STXBP5L: variants seen among roughly 807,000 people sequenced by gnomAD.
The protein encoded by STXBP5L is syntaxin-binding protein 5-like.
A neutral mutation model predicts 144.5 loss-of-function variants in STXBP5L; 65 were observed. That is an observed-to-expected ratio of 0.45 (90% CI 0.37 to 0.55). The LOEUF (loss-of-function observed/expected upper bound fraction) is 0.55. STXBP5L is among the 20% of genes least tolerant of loss of function. The pLI is 0.00. For missense variants in STXBP5L, 1,298 were observed against 1,405.5 expected (o/e 0.92, Z 1.22); for synonymous variants, 505 against 469.6 (o/e 1.08, Z -0.97).
intron 19 of STXBP5L, among the ~76,000 whole-genome samples, chr3:121,284,236 A>G (rs1485707510): frequency 6.6e-6 from 1 of 151,828 alleles, no homozygotes; most frequent in Admixed American, 6.6e-5. Context: ...TCTATCAACA[A>G]CCTCAAATGG....
chr3:120,928,196 T>C (rs1399641241), intron 2 of STXBP5L, among the ~76,000 whole-genome samples: 1 of 152,144 alleles, frequency 6.6e-6, no homozygotes, highest in Non-Finnish European at 1.5e-5. Flanking sequence ...TTTCTAAAAA[T>C]TTCTTCCTGA....
At chr3:121,214,965 C>T (rs549252775) in intron 10 of STXBP5L, among the ~76,000 whole-genome samples, 84 of 152,054 alleles carry the variant, frequency 5.5e-4, no homozygotes, top group Middle Eastern at 3.4e-3. Flanking sequence ...ATGTAATGCC[C>T]TTGTTTGTCT....
intron 3 of STXBP5L, among the ~76,000 whole-genome samples, chr3:120,989,165 C>T (rs9839272): frequency 0.099 from 15,079 of 152,062 alleles, 1,174 homozygotes; most frequent in Admixed American, 0.2. Context: ...GATTTCTCTT[C>T]CTTTCGGTAG....
chr3:121,341,005 A>C (rs1388668227), intron 20 of STXBP5L, among the ~76,000 whole-genome samples: 5 of 152,110 alleles, frequency 3.3e-5, no homozygotes, highest in Non-Finnish European at 1.5e-5. Context: ...AATAGAAAAA[A>C]AATGGGATTA....
intron 2 of STXBP5L, among the ~76,000 whole-genome samples, chr3:120,954,154 C>A (rs1453927406): frequency 6.6e-6 from 1 of 152,016 alleles, no homozygotes; most frequent in Non-Finnish European, 1.5e-5. Context: ...GTATACTTTA[C>A]CCTTTAACAC....
intron 2 of STXBP5L, among the ~76,000 whole-genome samples, chr3:120,943,269 A>G (rs540268879): frequency 8.3e-4 from 126 of 151,910 alleles, no homozygotes; most frequent in Middle Eastern, 3.4e-3. Flanking sequence ...AGGTAGCAGC[A>G]ATCTGTAAAG....
intron 5 of STXBP5L, among the ~76,000 whole-genome samples, chr3:121,090,830 A>T (rs2042746432): frequency 6.6e-6 from 1 of 152,034 alleles, no homozygotes; most frequent in Admixed American, 6.6e-5. Flanking sequence ...CACAACGTGC[A>T]GGTTAGTTAC....
chr3:121,116,506 G>A (rs1261853794), intron 6 of STXBP5L, among the ~76,000 whole-genome samples: 1 of 151,904 alleles, frequency 6.6e-6, no homozygotes, highest in African/African-American at 2.4e-5. Context: ...TTCTTTTCTT[G>A]TTCTTCATAC....
intron 3 of STXBP5L, among the ~76,000 whole-genome samples, chr3:120,965,741 A>G (rs1939488578): frequency 6.6e-6 from 1 of 151,914 alleles, no homozygotes; most frequent in Non-Finnish European, 1.5e-5. Context: ...GTTGAATCTG[A>G]CAGTTATGTG....
rs767079159 is a variant in STXBP5L at position 121,045,481 on chromosome 3, A to T, written c.416A>T (p.Asn139Ile). Residue 139 changes from asparagine (N) to isoleucine (I), a missense_variant, in exon 5 of 27, where the codon AAC becomes ATC. Physicochemically the swap from Asn to Ile is moderately radical, Grantham distance 149. Coordinates refer to ENST00000471454, the MANE Select transcript of STXBP5L (RefSeq NM_001308330.2). ...TCAGATGATACACTTCATTTGTGGA[A>T]CCTTAGACAAAAAAGGCCAGCCATA... ...ASSDDTLHLW[N>I]LRQKRPAILH... 6.2e-7 allele frequency: 1 copy of T among 1,613,294 alleles called. No homozygotes were observed. Among genetic ancestry groups the T allele is most frequent in the East Asian group, 2.2e-5 (1 of 44,820 alleles).
intron 5 of STXBP5L, among the ~76,000 whole-genome samples, chr3:121,096,534 G>T (rs1009245410): frequency 6.6e-6 from 1 of 152,050 alleles, no homozygotes; most frequent in Non-Finnish European, 1.5e-5. Context: ...CTTCTGATGG[G>T]GTCTTTGAGT....
At chr3:121,330,354 G>A (rs2044284519) in intron 20 of STXBP5L, among the ~76,000 whole-genome samples, 1 of 152,112 alleles carries the variant, frequency 6.6e-6, no homozygotes, top group Non-Finnish European at 1.5e-5. Context: ...CTTCTCCTTG[G>A]AACATTACCC....
chr3:121,143,755 T>C (rs750174611), intron 7 of STXBP5L, among the ~76,000 whole-genome samples: 1 of 151,828 alleles, frequency 6.6e-6, no homozygotes, highest in African/African-American at 2.4e-5. Flanking sequence ...TATCCACATG[T>C]ATAAGAATGT....
chr3:121,154,315 T>G (rs2046042163), intron 8 of STXBP5L, among the ~76,000 whole-genome samples: 2 of 151,760 alleles, frequency 1.3e-5, no homozygotes, highest in South Asian at 2.1e-4. Context: ...TCCTCAGCAC[T>G]TTACCTCTCA....
chr3:121,075,600 C>T (rs954373955), intron 5 of STXBP5L, among the ~76,000 whole-genome samples: 1 of 152,236 alleles, frequency 6.6e-6, no homozygotes, highest in Non-Finnish European at 1.5e-5. Flanking sequence ...TGATTACCTG[C>T]AGCCTCTGTG....
intron 5 of STXBP5L, among the ~76,000 whole-genome samples, chr3:121,095,618 C>G (rs928455808): frequency 1.3e-5 from 2 of 152,206 alleles, no homozygotes; most frequent in African/African-American, 4.8e-5. Flanking sequence ...AGTTCTCATG[C>G]CATGGTTTTT....
intron 3 of STXBP5L, among the ~76,000 whole-genome samples, chr3:121,033,132 T>C (rs1462984886): frequency 1.6e-5 from 2 of 121,614 alleles, no homozygotes; most frequent in Non-Finnish European, 3.4e-5. Flanking sequence ...CGTATGTTTA[T>C]TGCGGCATTA....
rs573583424 is a variant in STXBP5L at position 121,105,395 on chromosome 3, AAAATAAAT to A, written c.471-9510_471-9503del. On this transcript the variant is annotated intron_variant, in intron 5 of 26. Transcript: ENST00000471454. ...TGGCAACAGAGTGAGACTCTGTCTCAAAATAAATAAATAAATAAATAAATAAAAAGATG... is the reference window on the plus strand; with the variant it reads ...TGGCAACAGAGTGAGACTCTGTCTCAAAATAAATAAATAAATAAAAAGATG... Among the ~76,000 whole-genome samples, 17 of 149,844 alleles carry A rather than the reference AAAATAAAT, an allele frequency of 1.1e-4. 1 individual carries two copies. The highest frequency in any genetic ancestry group is 6.4e-4 in the South Asian group (3 of 4,720).
intron 5 of STXBP5L, among the ~76,000 whole-genome samples, chr3:121,051,473 C>T (rs1352660846): frequency 6.6e-6 from 1 of 152,164 alleles, no homozygotes; most frequent in Admixed American, 6.5e-5. Flanking sequence ...GAACAACCTG[C>T]TCCTGAATGA....
Sources: gnomAD v4.1 joint callset for allele counts (sites outside exome capture counted in the v4.1 genomes callset) on GRCh38, gnomAD v4.1.1 for gene constraint, MANE v1.5 for transcripts, NCBI Gene and HGNC (gene_info 2026-07-23, HGNC 2026-07-21) for gene names.